The following CFAP95 variants were observed in gnomAD, a reference collection of about 807,000 sequenced individuals.
The protein encoded by CFAP95 is cilia- and flagella-associated protein 95.
the CFAP95 span, chr9:69,905,984 G>A: frequency 3.2e-5 from 51 of 1,610,424 alleles, no homozygotes; most frequent in Non-Finnish European, 4.2e-5. Flanking sequence ...TTATTCCATA[G>A]TCCACAGAAA....
At chr9:69,849,901 C>T in the CFAP95 span, among the ~76,000 whole-genome samples, 9 of 152,104 alleles carry the variant, frequency 5.9e-5, no homozygotes, top group Admixed American at 1.3e-4. Context: ...AGTCTTTTAC[C>T]TGGACTTTAT....
the CFAP95 span, among the ~76,000 whole-genome samples, chr9:69,858,730 G>C: frequency 2.4e-4 from 37 of 152,110 alleles, no homozygotes; most frequent in African/African-American, 8.7e-4. Context: ...TAAGATCAAT[G>C]GTTCAATATT....
chr9:69,844,600 G>T, the CFAP95 span: 1 of 1,612,760 alleles, frequency 6.2e-7, no homozygotes, highest in South Asian at 1.1e-5. Flanking sequence ...TCAACATATC[G>T]GCGACTGGGA....
chr9:69,873,254 T>G, the CFAP95 span, among the ~76,000 whole-genome samples: 1 of 152,168 alleles, frequency 6.6e-6, no homozygotes, highest in Non-Finnish European at 1.5e-5. Context: ...ATGTTGCCAC[T>G]GCACTCTAGC....
the CFAP95 span, among the ~76,000 whole-genome samples, chr9:69,846,868 A>T: frequency 6.6e-6 from 1 of 152,246 alleles, no homozygotes; most frequent in Non-Finnish European, 1.5e-5. Context: ...ACTAAATTAG[A>T]TTAAACCAGT....
chr9:69,893,002 T>C, the CFAP95 span, among the ~76,000 whole-genome samples: 1 of 152,236 alleles, frequency 6.6e-6, no homozygotes, highest in Non-Finnish European at 1.5e-5. Context: ...GTTTGTGTGA[T>C]CTGATTCTTC....
chr9:69,868,782 C>A, the CFAP95 span, among the ~76,000 whole-genome samples: 2 of 144,516 alleles, frequency 1.4e-5, no homozygotes, highest in African/African-American at 2.6e-5. Flanking sequence ...CCAAAATTTA[C>A]AAGGAACTCA....
the CFAP95 span, among the ~76,000 whole-genome samples, chr9:69,846,951 C>T: frequency 6.6e-6 from 1 of 152,128 alleles, no homozygotes; most frequent in Non-Finnish European, 1.5e-5. Context: ...GGGTTCTGTG[C>T]CTCTCTTTCT....
the CFAP95 span, chr9:69,886,895 T>C: frequency 1.9e-6 from 3 of 1,610,968 alleles, no homozygotes; most frequent in African/African-American, 1.3e-5. Context: ...ATCAGCCACA[T>C]GTGAGTACAA....
the CFAP95 span, among the ~76,000 whole-genome samples, chr9:69,902,642 A>G: frequency 6.6e-6 from 1 of 152,000 alleles, no homozygotes; most frequent in Non-Finnish European, 1.5e-5. Flanking sequence ...AGCTGCAGTC[A>G]ATAGTAAGGT....
the CFAP95 span, among the ~76,000 whole-genome samples, chr9:69,841,164 T>TTATACATATATATATATATATA: frequency 1.8e-5 from 1 of 56,078 alleles, no homozygotes; most frequent in Non-Finnish European, 3.6e-5. Context: ...CCAAGCTGGA[T>TTATACATATATATATATATATA]TATATATATA....
the CFAP95 span, among the ~76,000 whole-genome samples, chr9:69,823,057 G>A: frequency 3.3e-5 from 5 of 152,266 alleles, 1 homozygote; most frequent in East Asian, 9.6e-4. Context: ...CTGGAGACTG[G>A]GTAATTTATA....
the CFAP95 span, among the ~76,000 whole-genome samples, chr9:69,848,320 T>C: frequency 6.6e-6 from 1 of 152,162 alleles, no homozygotes; most frequent in Non-Finnish European, 1.5e-5. Flanking sequence ...CATCTCATAG[T>C]AGGTGCCCAA....
At chr9:69,845,670 A>T in the CFAP95 span, among the ~76,000 whole-genome samples, 2 of 152,164 alleles carry the variant, frequency 1.3e-5, no homozygotes, top group Non-Finnish European at 2.9e-5. Context: ...GATTTATCAT[A>T]AAGTGACAGC....
the CFAP95 span, among the ~76,000 whole-genome samples, chr9:69,834,979 T>C: frequency 1.3e-5 from 2 of 152,246 alleles, no homozygotes; most frequent in African/African-American, 4.8e-5. Flanking sequence ...ATGTAAATCA[T>C]TTGCCCACGA....
chr9:69,902,312 G>A, the CFAP95 span: 23 of 454,462 alleles, frequency 5.1e-5, no homozygotes, highest in Non-Finnish European at 9.7e-5. Flanking sequence ...TCATAGCAAA[G>A]GATATTTTCT....
chr9:69,881,413 A>C, the CFAP95 span, among the ~76,000 whole-genome samples: 96,334 of 152,000 alleles, frequency 0.63, 30,848 homozygotes, highest in East Asian at 0.82. Context: ...CCGTTTGTTG[A>C]AGAGACTGTC....
At chr9:69,843,343 T>C in the CFAP95 span, among the ~76,000 whole-genome samples, 4 of 151,954 alleles carry the variant, frequency 2.6e-5, no homozygotes, top group Non-Finnish European at 5.9e-5. Context: ...GCATCCTATA[T>C]TTCACTCAAG....
the CFAP95 span, among the ~76,000 whole-genome samples, chr9:69,863,553 C>T: frequency 6.6e-6 from 1 of 152,086 alleles, no homozygotes; most frequent in Non-Finnish European, 1.5e-5. Context: ...TCAAAAGGCC[C>T]CAGTATATCT....
Sources: gnomAD v4.1 joint callset for allele counts (sites outside exome capture counted in the v4.1 genomes callset) on GRCh38, gnomAD v4.1.1 for gene constraint, MANE v1.5 for transcripts, NCBI Gene and HGNC (gene_info 2026-07-23, HGNC 2026-07-21) for gene names.